BICD1: variants seen among roughly 807,000 people sequenced by gnomAD.
The protein encoded by BICD1 is protein bicaudal D homolog 1.
BICD1 carries 35 observed loss-of-function variants against 92.5 expected under a neutral mutation model. The observed-to-expected ratio is 0.38, with a 90% CI of 0.29 to 0.50. The LOEUF is 0.50. Among genes scored for constraint, BICD1 ranks in the 20% least tolerant of loss-of-function variants. The pLI is 0.93. For missense variants in BICD1, 950 were observed against 1,189.8 expected (o/e 0.80, Z 2.97); for synonymous variants, 429 against 465.1 (o/e 0.92, Z 1.00).
At chr12:32,275,637 G>T (rs902441612) in intron 2 of BICD1, among the ~76,000 whole-genome samples, 2 of 151,844 alleles carry the variant, frequency 1.3e-5, no homozygotes, top group African/African-American at 4.9e-5. Context: ...CTGAGCTTTC[G>T]CTTGCCGTCC....
intron 1 of BICD1, among the ~76,000 whole-genome samples, chr12:32,168,920 C>T (rs1273685352): frequency 2.0e-5 from 3 of 151,948 alleles, no homozygotes; most frequent in Non-Finnish European, 2.9e-5. Context: ...CGAGATCGCG[C>T]GATTGCACTC....
intron 1 of BICD1, among the ~76,000 whole-genome samples, chr12:32,213,118 G>A (rs1043568264): frequency 6.6e-6 from 1 of 152,122 alleles, no homozygotes; most frequent in African/African-American, 2.4e-5. Context: ...TCAGTTTGCC[G>A]ATTGTCCTAC....
At chr12:32,225,621 G>GTTTTTTTTTTTTTTCTTTTTTTTTTTTTT (rs1945659515) in intron 2 of BICD1, among the ~76,000 whole-genome samples, 1 of 92,776 alleles carries the variant, frequency 1.1e-5, no homozygotes, top group Admixed American at 1.4e-4. Flanking sequence ...CTTTTTTTCT[G>GTTTTTTTTTTTTTTCTTTTTTTTTTTTTT]TTTTTTTTTT....
At chr12:32,169,162 G>A (rs1314682991) in intron 1 of BICD1, among the ~76,000 whole-genome samples, 1 of 152,024 alleles carries the variant, frequency 6.6e-6, no homozygotes, top group African/African-American at 2.4e-5. Flanking sequence ...AGGCTCTGAT[G>A]GGGAATTGTA....
intron 1 of BICD1, among the ~76,000 whole-genome samples, chr12:32,130,756 A>G (rs1942515881): frequency 6.6e-6 from 1 of 152,158 alleles, no homozygotes. Context: ...GTGGAACATA[A>G]AAGTAATCGA....
At chr12:32,221,271 T>TA (rs563212976) in intron 2 of BICD1, among the ~76,000 whole-genome samples, 17 of 147,796 alleles carry the variant, frequency 1.2e-4, no homozygotes, top group African/African-American at 2.7e-4. Context: ...TTAAAAAATT[T>TA]AAAAAAAAAT....
At chr12:32,122,050 A>T (rs1371168034) in intron 1 of BICD1, among the ~76,000 whole-genome samples, 1 of 152,042 alleles carries the variant, frequency 6.6e-6, no homozygotes, top group Non-Finnish European at 1.5e-5. Flanking sequence ...TGTTGGACTC[A>T]AGACATCTAC....
At chr12:32,346,670 GCA>G (rs1450494753) in intron 8 of BICD1, among the ~76,000 whole-genome samples, 2 of 53,244 alleles carry the variant, frequency 3.8e-5, no homozygotes, top group Admixed American at 4.1e-4. Context: ...ACACACACAC[GCA>G]CACACACACA....
chr12:32,159,948 T>A (rs1046563421), intron 1 of BICD1, among the ~76,000 whole-genome samples: 1 of 152,238 alleles, frequency 6.6e-6, no homozygotes, highest in African/African-American at 2.4e-5. Context: ...AGCCTGAGGT[T>A]TGAATCTGGT....
chr12:32,197,919 A>G (rs929025055), intron 1 of BICD1, among the ~76,000 whole-genome samples: 1 of 152,076 alleles, frequency 6.6e-6, no homozygotes, highest in Admixed American at 6.6e-5. Flanking sequence ...TAAAAAAAAA[A>G]AAATTGCCAG....
intron 2 of BICD1, among the ~76,000 whole-genome samples, chr12:32,263,541 C>T (rs1213358242): frequency 6.7e-6 from 1 of 148,794 alleles, no homozygotes; most frequent in Non-Finnish European, 1.5e-5. Flanking sequence ...GAGACTCCAT[C>T]CCAAAAAGAA....
chr12:32,254,588 T>C (rs1326110094), intron 2 of BICD1, among the ~76,000 whole-genome samples: 1 of 152,230 alleles, frequency 6.6e-6, no homozygotes, highest in East Asian at 1.9e-4. Flanking sequence ...CCAAGATCTT[T>C]CCTCCTCTGT....
chr12:32,265,956 A>G (rs918361045), intron 2 of BICD1, among the ~76,000 whole-genome samples: 1 of 152,190 alleles, frequency 6.6e-6, no homozygotes, highest in African/African-American at 2.4e-5. Flanking sequence ...AGGCAGCATG[A>G]TGAATAAGCG....
intron 2 of BICD1, among the ~76,000 whole-genome samples, chr12:32,252,158 A>ATATATTATATAT (rs1946580094): frequency 1.9e-4 from 7 of 36,594 alleles, no homozygotes; most frequent in Non-Finnish European, 2.9e-4. Flanking sequence ...ATTACATATT[A>ATATATTATATAT]TATATTTATA....
intron 2 of BICD1, among the ~76,000 whole-genome samples, chr12:32,218,571 A>C (rs1279000507): frequency 1.3e-5 from 2 of 152,244 alleles, no homozygotes; most frequent in East Asian, 1.9e-4. Context: ...TCTCCTGAAT[A>C]AATCAATTGG....
chr12:32,277,656 C>T (rs1488129326), intron 2 of BICD1, among the ~76,000 whole-genome samples: 8 of 152,210 alleles, frequency 5.3e-5, no homozygotes, highest in Non-Finnish European at 1.0e-4. Flanking sequence ...GCTATACACA[C>T]ATACCCAAAG....
At chr12:32,114,626 C>G (rs1055061084) in intron 1 of BICD1, among the ~76,000 whole-genome samples, 1 of 152,148 alleles carries the variant, frequency 6.6e-6, no homozygotes, top group South Asian at 2.1e-4. Flanking sequence ...AAGGACAGTC[C>G]GCCTGTTTTG....
rs200637031 is a variant in BICD1 at position 32,181,190 on chromosome 12, G to A, written c.214-35057G>A. On this transcript the variant is annotated intron_variant, in intron 1 of 9. Transcript: ENST00000652176. ...ACCCCAGCAGTTTGGGAGGCCGAGG[G>A]GGGTGGATCACTTGAGGTCAGGAGT... 2.0e-5 allele frequency among the ~76,000 whole-genome samples: 3 copies of A among 151,714 alleles called. No homozygotes were observed. In the East Asian group the frequency reaches 5.8e-4, roughly 29 times the overall value.
At chr12:32,256,760 A>T (rs1159102178) in intron 2 of BICD1, among the ~76,000 whole-genome samples, 2 of 152,180 alleles carry the variant, frequency 1.3e-5, no homozygotes, top group African/African-American at 4.8e-5. Context: ...TTTTATCTGT[A>T]AAAAGGAAGT....
Sources: allele counts gnomAD v4.1 joint callset (sites outside exome capture counted in the v4.1 genomes callset), GRCh38; gene constraint gnomAD v4.1.1; transcripts MANE v1.5; gene names NCBI Gene and HGNC (gene_info 2026-07-23, HGNC 2026-07-21).